Variants in TMEM145 observed in about 807,000 individuals in gnomAD.
TMEM145 encodes the protein transmembrane protein 145.
In TMEM145, 46 loss-of-function variants were observed where a neutral mutation model predicts 68.5. The observed-to-expected ratio is 0.67, with a 90% CI of 0.53 to 0.86. The LOEUF is 0.86. Among genes scored for constraint, TMEM145 ranks in the 40% least tolerant of loss-of-function variants. TMEM145 has a pLI of 0.00. For synonymous variants in TMEM145, 255 were observed against 280.2 expected (o/e 0.91, Z 0.90); for missense variants, 570 against 645.8 (o/e 0.88, Z 1.27).
At chr19:42,319,493 C>T (rs2038891038) in intron 12 of TMEM145, among the ~76,000 whole-genome samples, 1 of 152,188 alleles carries the variant, frequency 6.6e-6, no homozygotes, top group South Asian at 2.1e-4. Flanking sequence ...GTCGCCCAGG[C>T]TGGAGTGCAG....
At chr19:42,319,470 G>A (rs1193561675) in intron 12 of TMEM145, among the ~76,000 whole-genome samples, 1 of 152,064 alleles carries the variant, frequency 6.6e-6, no homozygotes, top group Non-Finnish European at 1.5e-5. Flanking sequence ...TTTTTGAGAC[G>A]GAGTCTTGCT....
intron 13 of TMEM145, chr19:42,321,141 C>T: frequency 5.0e-6 from 2 of 399,050 alleles, no homozygotes; most frequent in East Asian, 3.6e-5. Flanking sequence ...CCATCACAGG[C>T]CACTGTTCAG....
chr19:42,317,327 A>G (rs1182739987), intron 11 of TMEM145, among the ~76,000 whole-genome samples: 1 of 152,024 alleles, frequency 6.6e-6, no homozygotes, highest in Non-Finnish European at 1.5e-5. Context: ...AATTGGGAGG[A>G]TCTTACCTAC....
intron 11 of TMEM145, 60 bp from the exon 12 acceptor site, chr19:42,317,649 C>A: frequency 6.3e-7 from 1 of 1,584,362 alleles, no homozygotes; most frequent in South Asian, 1.1e-5. Flanking sequence ...GGGTGGGGTC[C>A]GGGGACCCTA....
chr19:42,313,401 C>G lies in TMEM145; in HGVS notation c.25C>G (p.Leu9Val), dbSNP rs777431612. Residue 9 changes from leucine (L) to valine (V), a missense_variant, in exon 1 of 15, where the codon CTG becomes GTG. By Grantham distance (32) the Leu-to-Val change is conservative. Coordinates refer to ENST00000301204, the MANE Select transcript of TMEM145 (RefSeq NM_173633.3). The surrounding 1 kb of genome is among the most constrained non-coding windows in gnomAD (Gnocchi z 5.1). ...AATGGAGCCCCTGCGCGCGCCCGCG[C>G]TGCGCCGCCTGCTGCCGCCGCTGCT... MEPLRAPA[L>V]RRLLPPLLLL... The G allele has an allele frequency of 8.2e-6, 11 of 1,345,034 alleles. No individual in the cohort carries two copies. The highest frequency in any genetic ancestry group is 3.1e-5 in the African/African-American group (2 of 65,282). The allele number at this position is 1,345,034 out of a possible 1,614,324, so 83.3% of individuals were successfully genotyped here. A position where few individuals can be genotyped will look rare whatever the true frequency, so the allele number is the denominator to read the frequency against.
At chr19:42,314,572 G>C in intron 3 of TMEM145, 41 bp from the exon 4 acceptor site, 1 of 1,614,142 alleles carries the variant, frequency 6.2e-7, no homozygotes, top group African/African-American at 1.3e-5. Flanking sequence ...GGAGAAGGTC[G>C]TTGCTGGCCG....
At position 42,313,769 on chromosome 19, in the gene TMEM145, G is replaced by A. The variant is rs2038826535; in HGVS notation, c.120+273G>A. On this transcript the variant is annotated intron_variant, in intron 1 of 14. Transcript: ENST00000301204. This position sits in a 1 kb window ranked among gnomAD's most constrained non-coding sequence, Gnocchi z 5.1. ...GTTGGGAGAGTCAGAGTTTGGGAAG[G>A]GTGGTGCAGAGGTGGTGCTGAAGGG... 2.6e-5 allele frequency among the ~76,000 whole-genome samples: 4 copies of A among 152,114 alleles called. No homozygotes were observed.
At chr19:42,314,724 G>T in intron 4 of TMEM145, 25 bp downstream of exon 4, 1 of 1,614,180 alleles carries the variant, frequency 6.2e-7, no homozygotes, top group Non-Finnish European at 8.5e-7. Context: ...TGGGGGAGTG[G>T]GCAGGTGCTG....
rs753410012 is a variant in TMEM145, at chr19:42,316,476, C to T, written c.647-5C>T. The T allele has an allele frequency of 1.2e-6, 2 of 1,614,034 alleles. No individual in the cohort carries two copies. The highest frequency in any genetic ancestry group is 2.2e-5 in the East Asian group (1 of 44,886). On this transcript the variant is annotated splice_region_variant and splice_polypyrimidine_tract_variant and intron_variant, in intron 8 of 14. Coordinates refer to ENST00000301204, the MANE Select transcript of TMEM145 (RefSeq NM_173633.3). ...TCCTTTCTTATCTGCCCATCCTCCC[C>T]TCAGTCCTGAGCCTCCTATTTTTCT...
In TMEM145 at chr19:42,314,279, T is replaced by C. The variant is rs751810337; in HGVS notation, c.128T>C (p.Val43Ala). Residue 43 changes from valine (V) to alanine (A), a missense_variant, in exon 2 of 15, where the codon GTG (valine) becomes GCG (alanine). Val to Ala is a moderately conservative substitution (Grantham distance 64, BLOSUM62 0). Coordinates refer to ENST00000301204, the MANE Select transcript of TMEM145 (RefSeq NM_173633.3). ...RGNLSSKEDWVFLTRFCFLSD... is the reference protein window; with the variant it reads ...RGNLSSKEDWAFLTRFCFLSD... Reference sequence around the variant, plus strand: ...ACTGGGCCCCTTTTTCAGGACTGGGTGTTCCTGACAAGATTTTGTTTCCTC... The same window carrying C: ...ACTGGGCCCCTTTTTCAGGACTGGGCGTTCCTGACAAGATTTTGTTTCCTC... 3 of 1,613,858 alleles carry C rather than the reference T, an allele frequency of 1.9e-6. No individual in the cohort carries two copies. The highest frequency in any genetic ancestry group is 2.5e-6 in the Non-Finnish European group (3 of 1,179,956).
chr19:42,317,949 C>G (rs2038875638), intron 12 of TMEM145, 68 bp downstream of exon 12: 1 of 1,546,984 alleles, frequency 6.5e-7, no homozygotes. Context: ...GGTTGCCCCC[C>G]ATCTCAGACC....
intron 5 of TMEM145, 50 bp downstream of exon 5, chr19:42,314,901 G>T (rs1046181744): frequency 1.2e-6 from 2 of 1,614,004 alleles, no homozygotes; most frequent in African/African-American, 1.3e-5. Flanking sequence ...GGGGTAAGGG[G>T]CTGGGGTGGC....
Position 42,324,746 on chromosome 19 carries a change from C to G in TMEM145, c.1411C>G (p.Arg471Gly). 6.4e-7 allele frequency: 1 copy of G among 1,551,978 alleles called. No individual in the cohort carries two copies. Among genetic ancestry groups the G allele is most frequent in the Admixed American group, 1.8e-5 (1 of 54,322 alleles). The change falls in exon 15 of 15, where the codon CGA (arginine) becomes GGA (glycine). Residue 471 changes from arginine to glycine, a missense_variant. By Grantham distance (125) the Arg-to-Gly change is moderately radical. Transcript: ENST00000301204. ...CCGTCCCCTCCCTCAGCCCCTGCCC[C>G]GAGCGGCGCCGGATTCTGGGCTCCC... ...IPPPATSPLP[R>G]AAPDSGLPLF...
intron 8 of TMEM145, 106 bp downstream of exon 8, chr19:42,315,546 G>A: frequency 2.4e-6 from 3 of 1,252,898 alleles, no homozygotes; most frequent in Non-Finnish European, 3.4e-6. Context: ...TGGGTCCTGG[G>A]GGAGGAGGGG....
chr19:42,318,384 A>C (rs569958261), intron 12 of TMEM145, among the ~76,000 whole-genome samples: 38 of 141,960 alleles, frequency 2.7e-4, no homozygotes, highest in African/African-American at 8.2e-4. Context: ...AAAAAAAAAA[A>C]ACCAAACAGG....
intron 14 of TMEM145, 60 bp downstream of exon 14, chr19:42,323,849 C>T: frequency 1.3e-6 from 2 of 1,505,308 alleles, no homozygotes; most frequent in South Asian, 1.2e-5. Context: ...AGTACCTGAC[C>T]CCGCTCCCGG....
At chr19:42,316,281 G>A (rs1313498363) in intron 8 of TMEM145, among the ~76,000 whole-genome samples, 200 bp from the exon 9 acceptor site, 2 of 148,690 alleles carry the variant, frequency 1.3e-5, no homozygotes, top group Non-Finnish European at 3.0e-5. Flanking sequence ...GGGGTAGGGG[G>A]TGGGGGCCTG....
rs199555639 is a variant in TMEM145, at chr19:42,320,325, C to T, written c.1082C>T (p.Ala361Val). ...CAATACTTCCCCTTCAGGTTCTTTG[C>T]GGTTCCTGTCATGGCCCTGATTGCC... ...FFAAYTLWFFAVPVMALIANF... is the reference protein window; with the variant it reads ...FFAAYTLWFFVVPVMALIANF... Residue 361 changes from alanine (A) to valine (V), a missense_variant, in exon 13 of 15, where the codon GCG (alanine) becomes GTG (valine). Transcript: ENST00000301204. 8.0e-5 allele frequency: 129 copies of T among 1,613,868 alleles called. No individual in the cohort carries two copies. Among genetic ancestry groups the T allele is most frequent in the Non-Finnish European group, 8.6e-5 (101 of 1,180,016 alleles).
intron 14 of TMEM145, chr19:42,324,535 G>A: frequency 2.0e-6 from 2 of 985,184 alleles, no homozygotes; most frequent in Non-Finnish European, 2.4e-6. Flanking sequence ...GAGCACCCCT[G>A]CCCGCCCCTG....
Sources: gnomAD v4.1 joint callset for allele counts (sites outside exome capture counted in the v4.1 genomes callset) on GRCh38, gnomAD v4.1.1 for gene constraint, Gnocchi (gnomAD v3.1) non-coding constraint, MANE v1.5 for transcripts, NCBI Gene and HGNC (gene_info 2026-07-23, HGNC 2026-07-21) for gene names.